IPO8: variants seen among roughly 807,000 people sequenced by gnomAD.
The protein encoded by IPO8 is importin-8.
Under a neutral mutation model 141.2 loss-of-function variants are expected in IPO8, and 65 were observed. The ratio of observed to expected loss-of-function variants is 0.46; its 90% CI spans 0.38 to 0.57. The LOEUF (loss-of-function observed/expected upper bound fraction) is 0.57. Among genes scored for constraint, IPO8 ranks in the 20% least tolerant of loss-of-function variants. The pLI is 0.00. For missense variants in IPO8, 980 were observed against 1,246.8 expected (o/e 0.79, Z 3.22); for synonymous variants, 411 against 420.3 (o/e 0.98, Z 0.27).
intron 19 of IPO8, among the ~76,000 whole-genome samples, chr12:30,651,248 A>C (rs1318723322): frequency 6.6e-6 from 1 of 152,120 alleles, no homozygotes; most frequent in Non-Finnish European, 1.5e-5. Flanking sequence ...CACAGAGGTA[A>C]ATGAATCATT....
intron 19 of IPO8, 39 bp from the exon 20 acceptor site, chr12:30,649,271 T>G (rs905227306): frequency 3.6e-6 from 5 of 1,402,502 alleles, no homozygotes; most frequent in Non-Finnish European, 5.0e-6. Context: ...TAAGTGGCAC[T>G]GCATAGAGGT....
rs368908661 is a variant in IPO8 at position 30,643,387 on chromosome 12, G to GAAGT, written c.2269-3653_2269-3652insACTT. On this transcript the variant is annotated intron_variant, in intron 20 of 24. Coordinates refer to ENST00000256079, the MANE Select transcript of IPO8 (RefSeq NM_006390.4). ...TCAATACAGTCCTTCAGCTGTACTTGAGTGCATTGTAATGGTAACCTCACT... is the reference window on the plus strand; with the variant it reads ...TCAATACAGTCCTTCAGCTGTACTTGAAGTAGTGCATTGTAATGGTAACCTCACT... 4.7e-3 allele frequency among the ~76,000 whole-genome samples: 713 copies of GAAGT among 152,328 alleles called. 1 individual carries two copies. Among genetic ancestry groups the GAAGT allele is most frequent in the Non-Finnish European group, 8.3e-3 (562 of 68,010 alleles).
In IPO8 at chr12:30,639,549, T is replaced by G; in HGVS notation, c.2455A>C (p.Asn819His). The G allele has an allele frequency of 6.2e-7, 1 of 1,613,538 alleles. No homozygotes were observed. The highest frequency in any genetic ancestry group is 8.5e-7 in the Non-Finnish European group (1 of 1,179,452). ...NPGPITVQFINQWMNDTDCFL... is the reference protein window; with the variant it reads ...NPGPITVQFIHQWMNDTDCFL... ...CAATCTGTATCATTCATCCATTGAT[T>G]TATAAACTGTACAGTGATAGGTCCA... Residue 819 changes from asparagine to histidine, a missense_variant, in exon 21 of 25, where the codon AAT (asparagine) becomes CAT (histidine). Coordinates refer to ENST00000256079, the MANE Select transcript of IPO8 (RefSeq NM_006390.4).
chr12:30,629,786 A>G lies in IPO8; in HGVS notation c.*1074T>C, dbSNP rs1279326002. The G allele has an allele frequency of 1.3e-5, 2 of 152,146 alleles. No homozygotes were observed. The highest frequency in any genetic ancestry group is 2.9e-5 in the Non-Finnish European group (2 of 68,032). The allele number at this position is 152,146 out of a possible 1,614,324, so 9.4% of individuals were successfully genotyped here. On this transcript the variant is annotated 3_prime_UTR_variant, in exon 25 of 25. Coordinates refer to ENST00000256079, the MANE Select transcript of IPO8 (RefSeq NM_006390.4). ...CTGAGCTATAATAAAGACACAAACAAATTAGGTAGGAGAAAATTCAAATAG... is the reference window on the plus strand; with the variant it reads ...CTGAGCTATAATAAAGACACAAACAGATTAGGTAGGAGAAAATTCAAATAG...
rs778588706 is a variant in IPO8, at chr12:30,662,451, A to G, written c.1631T>C (p.Met544Thr). The G allele has an allele frequency of 1.2e-6, 2 of 1,612,962 alleles. No individual in the cohort carries two copies. Among genetic ancestry groups the G allele is most frequent in the Non-Finnish European group, 1.7e-6 (2 of 1,179,308 alleles). The change falls in exon 15 of 25, where the codon ATG becomes ACG. Residue 544 changes from methionine to threonine, a missense_variant. Physicochemically the swap from Met to Thr is moderately conservative, Grantham distance 81 (BLOSUM62 -1). Transcript: ENST00000256079. Reference protein sequence around the residue: ...EYMKPHVRPIMQELLHIVRET... With the variant: ...EYMKPHVRPITQELLHIVRET... ...TCTAACAATGTGCAACAGTTCCTGC[A>G]TAATAGGCCTCACATGTGGCTTCAT...
intron 5 of IPO8, among the ~76,000 whole-genome samples, chr12:30,678,160 T>G (rs760406900): frequency 6.1e-4 from 92 of 151,314 alleles, no homozygotes; most frequent in Non-Finnish European, 1.2e-3. Flanking sequence ...GTTTATGAAG[T>G]AAAAAAGTTA....
At chr12:30,685,443 T>C (rs1274895421) in intron 2 of IPO8, among the ~76,000 whole-genome samples, 2 of 151,506 alleles carry the variant, frequency 1.3e-5, no homozygotes, top group African/African-American at 4.9e-5. Context: ...CTGGCCAGAA[T>C]GTAAAGCTTT....
chr12:30,644,710 A>G (rs35059863), intron 20 of IPO8, among the ~76,000 whole-genome samples: 84,399 of 150,386 alleles, frequency 0.56, 24,579 homozygotes, highest in African/African-American at 0.71. Context: ...CTGGAGTGCA[A>G]TGGCGCAATC....
chr12:30,676,723 C>T (rs2053125471), intron 5 of IPO8, 136 bp from the exon 6 acceptor site: 3 of 779,828 alleles, frequency 3.8e-6, no homozygotes, highest in Middle Eastern at 3.1e-4. Context: ...TATGGTTCAA[C>T]CTAACTTAAA....
chr12:30,686,986 A>T (rs1380016498), intron 2 of IPO8, among the ~76,000 whole-genome samples: 3 of 152,136 alleles, frequency 2.0e-5, no homozygotes, highest in Admixed American at 6.5e-5. Context: ...TATGATGGAT[A>T]ATTATGGATT....
At chr12:30,656,974 T>C (rs1195282751) in intron 16 of IPO8, among the ~76,000 whole-genome samples, 3 of 152,100 alleles carry the variant, frequency 2.0e-5, no homozygotes, top group African/African-American at 7.2e-5. Context: ...TTCCTTACCA[T>C]ATATTTTATA....
At chr12:30,671,524 A>G (rs1252450339) in intron 8 of IPO8, among the ~76,000 whole-genome samples, 1 of 151,944 alleles carries the variant, frequency 6.6e-6, no homozygotes, top group African/African-American at 2.4e-5. Context: ...ACACAAAAAA[A>G]TTAGCCGGGC....
At position 30,695,515 on chromosome 12, in the gene IPO8, C is replaced by T. The variant is rs757128722; in HGVS notation, c.84+49G>A. Reference sequence around the variant, plus strand: ...GGGGAGAGGGAGCCCGGCCAGCCGGCAGGGGCGCCCCTTCGGCGGAAGAGG... The same window carrying T: ...GGGGAGAGGGAGCCCGGCCAGCCGGTAGGGGCGCCCCTTCGGCGGAAGAGG... On this transcript the variant is annotated intron_variant, in intron 1 of 24. Transcript: ENST00000256079. This position sits in a 1 kb window ranked among gnomAD's most constrained non-coding sequence, Gnocchi z 4.2. 1.5e-5 allele frequency: 23 copies of T among 1,548,348 alleles called. No individual in the cohort carries two copies. In the Admixed American group the frequency reaches 3.9e-4, roughly 26 times the overall value.
rs143043880 is a variant in IPO8, at chr12:30,692,182, C to T, written c.85-1605G>A. ...TTCTAATCATAAAAAAACTGACTTC[C>T]GTTATTTGTTTAAAAATCTTATTCC... On this transcript the variant is annotated intron_variant, in intron 1 of 24. Transcript: ENST00000256079. Among the ~76,000 whole-genome samples the T allele has an allele frequency of 2.0e-3, 311 of 152,250 alleles. 4 individuals are homozygous for T. Among genetic ancestry groups the T allele is most frequent in the African/African-American group, 7.3e-3 (303 of 41,562 alleles).
At chr12:30,630,980 GGGA>G in intron 24 of IPO8, 23 bp from the exon 25 acceptor site, 1 of 1,580,160 alleles carries the variant, frequency 6.3e-7, no homozygotes, top group Admixed American at 1.7e-5. Flanking sequence ...AAAAGAAAAG[GGGA>G]GAAGAAAAAA....
chr12:30,666,602 G>A (rs1429316390), intron 10 of IPO8, among the ~76,000 whole-genome samples: 3 of 152,128 alleles, frequency 2.0e-5, no homozygotes, highest in South Asian at 2.1e-4. Flanking sequence ...TCTAGACCCC[G>A]GGGATACAAA....
At chr12:30,639,780 T>A (rs757004704) in intron 20 of IPO8, 45 bp from the exon 21 acceptor site, 1 of 1,399,628 alleles carries the variant, frequency 7.1e-7, no homozygotes, top group Non-Finnish European at 1.0e-6. Flanking sequence ...ACAGCCCAAG[T>A]AACTTTTATA....
At chr12:30,676,432 C>T (rs2053120871) in intron 6 of IPO8, 66 bp downstream of exon 6, 3 of 941,762 alleles carry the variant, frequency 3.2e-6, no homozygotes, top group East Asian at 2.5e-5. Flanking sequence ...AGGGATAATG[C>T]ATCAGTCTAC....
rs1212063280 is a variant in IPO8 at position 30,684,359 on chromosome 12, G to A, written c.265C>T (p.Arg89Cys). The A allele has an allele frequency of 6.2e-6, 10 of 1,613,996 alleles. No homozygotes were observed. The highest frequency in any genetic ancestry group is 1.1e-5 in the South Asian group (1 of 91,074). Residue 89 changes from arginine (R) to cysteine (C), a missense_variant, in exon 3 of 25, where the codon CGC becomes TGC. Arg to Cys is a radical substitution (Grantham distance 180). Around this residue, in one of 3 missense-constraint regions of IPO8, gnomAD observed 924 missense variants for 1,153.9 expected, o/e 0.80. Transcript: ENST00000256079. ...ACAATGTTATCACGTATTTGCTGGCGATCGTTTTCGTGAATGTTGAATGGA... is the reference window on the plus strand; with the variant it reads ...ACAATGTTATCACGTATTTGCTGGCAATCGTTTTCGTGAATGTTGAATGGA... ...IFPFNIHEND[R>C]QQIRDNIVEG...
Sources: allele counts gnomAD v4.1 joint callset (sites outside exome capture counted in the v4.1 genomes callset), GRCh38; gene constraint gnomAD v4.1.1; regional missense constraint gnomAD v4.1.1; non-coding constraint Gnocchi (gnomAD v3.1); transcripts MANE v1.5; gene names NCBI Gene and HGNC (gene_info 2026-07-23, HGNC 2026-07-21).